Variants in EPB41 observed in about 807,000 individuals in gnomAD.
EPB41 encodes the protein protein 4.1.
A neutral mutation model predicts 108.0 loss-of-function variants in EPB41; 65 were observed. The ratio of observed to expected loss-of-function variants is 0.60; its 90% CI spans 0.49 to 0.74. The LOEUF (loss-of-function observed/expected upper bound fraction) is 0.74. EPB41 is among the 30% of genes least tolerant of loss of function. The pLI, the probability that EPB41 is intolerant of heterozygous loss-of-function variation, is 0.00. For missense variants in EPB41, 875 were observed against 1,037.0 expected (o/e 0.84, Z 2.15); for synonymous variants, 336 against 358.9 (o/e 0.94, Z 0.72).
At chr1:29,028,719 TTA>T (rs2096752113) in intron 7 of EPB41, among the ~76,000 whole-genome samples, 1 of 152,134 alleles carries the variant, frequency 6.6e-6, no homozygotes. Flanking sequence ...ATTGTACTCT[TTA>T]AACTTCAAGC....
chr1:28,978,861 A>C (rs1557889776), intron 1 of EPB41, among the ~76,000 whole-genome samples: 1 of 151,406 alleles, frequency 6.6e-6, no homozygotes. Flanking sequence ...GATGAGAGTT[A>C]TACCATCAAC....
chr1:28,989,679 T>C (rs1385877534), intron 2 of EPB41, among the ~76,000 whole-genome samples: 2 of 152,190 alleles, frequency 1.3e-5, no homozygotes, highest in African/African-American at 4.8e-5. Context: ...TGTTCTGTAA[T>C]AGTTAAGATG....
intron 1 of EPB41, among the ~76,000 whole-genome samples, chr1:28,952,280 C>T (rs1210692076): frequency 1.3e-5 from 2 of 151,862 alleles, no homozygotes; most frequent in African/African-American, 4.8e-5. Context: ...GTAATCCCAG[C>T]ACTGTGGGAG....
chr1:28,924,241 A>G (rs1429106911), intron 1 of EPB41, among the ~76,000 whole-genome samples: 1 of 152,216 alleles, frequency 6.6e-6, no homozygotes, highest in East Asian at 1.9e-4. Context: ...ACTTCATGAA[A>G]GCCCCTGGCC....
intron 1 of EPB41, among the ~76,000 whole-genome samples, chr1:28,964,155 G>T (rs1024986859): frequency 6.6e-6 from 1 of 152,080 alleles, no homozygotes; most frequent in African/African-American, 2.4e-5. Context: ...TCGTCTAATG[G>T]CAGGCTTGGT....
intron 4 of EPB41, among the ~76,000 whole-genome samples, chr1:29,010,334 G>A (rs543570926): frequency 4.6e-5 from 7 of 152,166 alleles, no homozygotes; most frequent in African/African-American, 1.4e-4. Context: ...GCGAGACCCT[G>A]TCTAAATAAA....
At chr1:28,920,831 A>G (rs2093018307) in intron 1 of EPB41, among the ~76,000 whole-genome samples, 1 of 151,988 alleles carries the variant, frequency 6.6e-6, no homozygotes, top group Admixed American at 6.6e-5. Context: ...GGGTTTTGCC[A>G]TCTTGACCAG....
Position 28,901,157 on chromosome 1 carries a change from C to T in EPB41, c.-8+13947C>T, listed in dbSNP as rs546982911. On this transcript the variant is annotated intron_variant, in intron 1 of 16. Transcript: ENST00000347529. Reference sequence around the variant, plus strand: ...TGTTAGCCAGGATAGTCTCGATCTGCTGACCTTGTGATCCGCCCGCCTTGG... The same window carrying T: ...TGTTAGCCAGGATAGTCTCGATCTGTTGACCTTGTGATCCGCCCGCCTTGG... Among the ~76,000 whole-genome samples, 6 of 152,008 alleles carry T rather than the reference C, an allele frequency of 3.9e-5. No individual in the cohort carries two copies. In the South Asian group the frequency reaches 6.2e-4, roughly 16 times the overall value.
intron 8 of EPB41, 140 bp from the exon 9 acceptor site, chr1:29,032,953 A>G (rs1057428279): frequency 1.2e-6 from 1 of 850,584 alleles, no homozygotes; most frequent in Admixed American, 2.2e-5. Context: ...TCCATAAATT[A>G]TAACTGTTAG....
Position 28,914,594 on chromosome 1 carries a change from C to A in EPB41, c.-182C>A. 1 of 151,864 alleles carries A rather than the reference C, an allele frequency of 6.6e-6. No homozygotes were observed. The highest frequency in any genetic ancestry group is 2.1e-4 in the South Asian group (1 of 4,878). 9.4% of individuals were successfully genotyped at this position (151,864 alleles called of 1,614,324 possible). A position where few individuals can be genotyped will look rare whatever the true frequency, so the allele number is the denominator to read the frequency against. On this transcript the variant is annotated 5_prime_UTR_variant, in exon 1 of 21. Transcript: ENST00000343067. ...AGAGGGAAGGCGGGAGGGCGCGCGC[C>A]AGGGTCGCTCGCTCGCTCCCTCCCT...
intron 17 of EPB41, among the ~76,000 whole-genome samples, chr1:29,103,747 A>G (rs1167006320): frequency 1.3e-5 from 2 of 152,084 alleles, no homozygotes; most frequent in Non-Finnish European, 2.9e-5. Context: ...GGCTCACTGT[A>G]ACCTCCACCT....
chr1:29,062,037 G>A (rs1436306003), intron 15 of EPB41, among the ~76,000 whole-genome samples: 3 of 152,134 alleles, frequency 2.0e-5, no homozygotes, highest in Non-Finnish European at 4.4e-5. Context: ...AACATGTATT[G>A]CGTGGTGGGT....
intron 16 of EPB41, chr1:29,072,351 AC>A (rs1651883746): frequency 6.6e-6 from 1 of 152,192 alleles, no homozygotes; most frequent in Admixed American, 6.5e-5. Flanking sequence ...AACAAATTGG[AC>A]TATAGAATTG....
chr1:28,962,465 C>T (rs1432912127), intron 1 of EPB41, among the ~76,000 whole-genome samples: 2 of 152,164 alleles, frequency 1.3e-5, no homozygotes, highest in Non-Finnish European at 2.9e-5. Flanking sequence ...AAATGTGTAA[C>T]TTGGGGTTTT....
intron 17 of EPB41, among the ~76,000 whole-genome samples, chr1:29,100,649 TTA>T (rs956642855): frequency 1.4e-5 from 2 of 145,640 alleles, no homozygotes; most frequent in Admixed American, 7.0e-5. Flanking sequence ...AAATAAAATA[TTA>T]TATATATATT....
At chr1:28,952,544 TA>T (rs570264855) in intron 1 of EPB41, among the ~76,000 whole-genome samples, 12 of 151,464 alleles carry the variant, frequency 7.9e-5, no homozygotes, top group East Asian at 1.9e-4. Flanking sequence ...TAATAATAAT[TA>T]AAAAAAAGTG....
Position 29,053,087 on chromosome 1 carries a change from T to C in EPB41, c.1637-17T>C, listed in dbSNP as rs753715772. On this transcript the variant is annotated splice_polypyrimidine_tract_variant and intron_variant, in intron 11 of 20. Transcript: ENST00000343067. ...TCTGGCCTTTACTTATGCTTCCCTT[T>C]TCCCTTTCTCACATAGCAGCAGCTG... 7 of 1,613,150 alleles carry C rather than the reference T, an allele frequency of 4.3e-6. No individual in the cohort carries two copies. The highest frequency in any genetic ancestry group is 5.9e-6 in the Non-Finnish European group (7 of 1,179,904).
Position 29,060,630 on chromosome 1 carries a change from T to G in EPB41, c.2007+146T>G, listed in dbSNP as rs1327799614. 4 of 698,918 alleles carry G rather than the reference T, an allele frequency of 5.7e-6. No homozygotes were observed. The East Asian group carries it at 1.1e-4, about 19-fold the overall frequency. The allele number at this position is 698,918 out of a possible 1,614,324, so 43.3% of individuals were successfully genotyped here. A position where few individuals can be genotyped will look rare whatever the true frequency, so the allele number is the denominator to read the frequency against. On this transcript the variant is annotated intron_variant, in intron 15 of 20. Transcript: ENST00000343067. ...TTAGGTTTAAAATGCTTTTGCATGT[T>G]GGTGAACATGAAGATATGCAAACAT...
chr1:28,996,513 C>G (rs142527918), intron 3 of EPB41, among the ~76,000 whole-genome samples: 23 of 152,086 alleles, frequency 1.5e-4, no homozygotes, highest in African/African-American at 5.3e-4. Context: ...ACAGTTGATT[C>G]AGTAATTTAA....
Sources: gnomAD v4.1 joint callset for allele counts (sites outside exome capture counted in the v4.1 genomes callset) on GRCh38, gnomAD v4.1.1 for gene constraint, MANE v1.5 for transcripts, NCBI Gene and HGNC (gene_info 2026-07-23, HGNC 2026-07-21) for gene names.